COTL1: variants seen among roughly 807,000 people sequenced by gnomAD.
The protein encoded by COTL1 is coactosin like F-actin binding protein 1, also known as coactosin-like protein.
Under a neutral mutation model 16.5 loss-of-function variants are expected in COTL1, and 15 were observed. The ratio of observed to expected loss-of-function variants is 0.91; its 90% confidence interval spans 0.61 to 1.40. The LOEUF (loss-of-function observed/expected upper bound fraction) is 1.40, where lower values mean the gene tolerates loss of function less well. COTL1 is among the 40% of genes most tolerant of loss of function. The pLI is 0.00. For missense variants in COTL1, 220 were observed against 201.5 expected (o/e 1.09, Z -0.56); for synonymous variants, 112 against 85.3 (o/e 1.31, Z -1.73).
chr16:84,566,419 G>C lies in COTL1; in HGVS notation c.*426C>G, dbSNP rs77609704. The C allele has an allele frequency of 8.0e-3, 1,257 of 157,414 alleles. 22 individuals are homozygous for C. The highest frequency in any genetic ancestry group is 0.029 in the African/African-American group (1,191 of 41,624). 9.8% of individuals were successfully genotyped at this position (157,414 alleles called of 1,614,324 possible). ...AGTGGTACACAGGAAGCAGGGTCCAGGAAAACTGAGATGGCAAAATAGGCC... is the reference window on the plus strand; with the variant it reads ...AGTGGTACACAGGAAGCAGGGTCCACGAAAACTGAGATGGCAAAATAGGCC... On this transcript the variant is annotated 3_prime_UTR_variant, in exon 4 of 4. Coordinates refer to ENST00000262428, the MANE Select transcript of COTL1 (RefSeq NM_021149.5).
intron 3 of COTL1, among the ~76,000 whole-genome samples, chr16:84,589,082 C>T (rs1274279838): frequency 6.6e-6 from 1 of 152,040 alleles, no homozygotes; most frequent in East Asian, 1.9e-4. Flanking sequence ...GCGAACCTCC[C>T]GCCTCAGCCT....
chr16:84,609,110 A>G (rs1049249480), intron 2 of COTL1, among the ~76,000 whole-genome samples: 4 of 152,132 alleles, frequency 2.6e-5, no homozygotes, highest in African/African-American at 9.7e-5. Context: ...CTTCTCGCCC[A>G]AATTTCTGAA....
chr16:84,601,690 G>A (rs753991557), intron 2 of COTL1, among the ~76,000 whole-genome samples: 3 of 152,136 alleles, frequency 2.0e-5, no homozygotes, highest in South Asian at 4.1e-4. Flanking sequence ...TCTTGACCTC[G>A]TGATCCCCCC....
intron 2 of COTL1, among the ~76,000 whole-genome samples, chr16:84,597,272 G>C (rs184164523): frequency 2.8e-4 from 42 of 152,310 alleles, no homozygotes; most frequent in African/African-American, 9.6e-4. Flanking sequence ...TGAGGGGCCA[G>C]TCCCCACTCT....
intron 2 of COTL1, among the ~76,000 whole-genome samples, chr16:84,614,512 G>A (rs916488657): frequency 6.6e-6 from 1 of 152,024 alleles, no homozygotes; most frequent in African/African-American, 2.4e-5. Flanking sequence ...GGGGAGAAGG[G>A]ACAGTAGCCT....
intron 1 of COTL1, 119 bp downstream of exon 1, chr16:84,617,719 A>G: frequency 1.5e-6 from 2 of 1,372,392 alleles, no homozygotes; most frequent in Non-Finnish European, 2.0e-6. Flanking sequence ...CCGTCCCGGA[A>G]TAAGGCGAGG....
At chr16:84,581,249 G>A (rs1432174698) in intron 3 of COTL1, among the ~76,000 whole-genome samples, 1 of 152,138 alleles carries the variant, frequency 6.6e-6, no homozygotes, top group East Asian at 1.9e-4. Context: ...AATGCATCAG[G>A]CCAAAAAGGC....
chr16:84,585,330 G>A (rs28503369), intron 3 of COTL1, among the ~76,000 whole-genome samples: 2,550 of 149,516 alleles, frequency 0.017, 80 homozygotes, highest in African/African-American at 0.061. Context: ...ACTCCAGACT[G>A]GGTGACAGAG....
intron 3 of COTL1, among the ~76,000 whole-genome samples, chr16:84,580,357 T>G (rs767692975): frequency 1.3e-5 from 2 of 152,150 alleles, no homozygotes; most frequent in African/African-American, 2.4e-5. Context: ...CTTGACCTCC[T>G]GGGCTCAGCC....
chr16:84,574,884 T>G (rs2914823), intron 3 of COTL1, among the ~76,000 whole-genome samples: 1 of 151,776 alleles, frequency 6.6e-6, no homozygotes, highest in Non-Finnish European at 1.5e-5. Context: ...TAAACATCCA[T>G]TGAAACCTGT....
chr16:84,599,970 C>G (rs1168560086), intron 2 of COTL1, among the ~76,000 whole-genome samples: 1 of 152,158 alleles, frequency 6.6e-6, no homozygotes, highest in Non-Finnish European at 1.5e-5. Flanking sequence ...GGAGAAATGT[C>G]TTCTTGCCAC....
intron 3 of COTL1, among the ~76,000 whole-genome samples, chr16:84,586,887 G>A (rs896350574): frequency 6.6e-6 from 1 of 152,122 alleles, no homozygotes; most frequent in African/African-American, 2.4e-5. Flanking sequence ...ACCACGCCTG[G>A]CCTGTATTTT....
chr16:84,618,048 GCA>G lies in COTL1; in HGVS notation c.-136_-135del. 3.1e-6 allele frequency: 1 copy of G among 325,502 alleles called. No individual in the cohort carries two copies. Among genetic ancestry groups the G allele is most frequent in the Non-Finnish European group, 4.5e-6 (1 of 221,122 alleles). 20.2% of individuals were successfully genotyped at this position (325,502 alleles called of 1,614,324 possible). On this transcript the variant is annotated 5_prime_UTR_variant, in exon 1 of 4. Coordinates refer to ENST00000262428, the MANE Select transcript of COTL1 (RefSeq NM_021149.5). ...CGGTGGCGACGGCTACGCGGCGCCT[GCA>G]AGCTGCGAGCGCGGCGGCGGCTTCC... is the stretch of plus-strand genomic sequence containing the variant.
intron 3 of COTL1, among the ~76,000 whole-genome samples, chr16:84,584,440 G>C (rs528570972): frequency 6.6e-6 from 1 of 152,198 alleles, no homozygotes; most frequent in Non-Finnish European, 1.5e-5. Flanking sequence ...GTGAGTTTAG[G>C]GCAGGTCCTA....
intron 3 of COTL1, among the ~76,000 whole-genome samples, 200 bp downstream of exon 3, chr16:84,589,905 A>T (rs1374863180): frequency 1.3e-5 from 2 of 152,156 alleles, no homozygotes; most frequent in Non-Finnish European, 2.9e-5. Flanking sequence ...TCGTAAACAC[A>T]GTTAACTCCT....
intron 3 of COTL1, among the ~76,000 whole-genome samples, chr16:84,572,885 CG>C (rs1288052074): frequency 6.6e-6 from 1 of 151,108 alleles, no homozygotes; most frequent in African/African-American, 2.4e-5. Flanking sequence ...CCGAAGTAGC[CG>C]GGACTACAGG....
At chr16:84,582,842 G>A (rs1904630177) in intron 3 of COTL1, among the ~76,000 whole-genome samples, 2 of 152,084 alleles carry the variant, frequency 1.3e-5, no homozygotes, top group African/African-American at 4.8e-5. Flanking sequence ...CTACACCTGT[G>A]AGCTGATGGC....
chr16:84,566,841 G>A lies in COTL1; in HGVS notation c.*4C>T, dbSNP rs2150677950. ...GGCAAGGGGTGGTGTGGCGGGGGCT[G>A]GGGTTACTCCGTCTGGGCGTCGTAA... On this transcript the variant is annotated 3_prime_UTR_variant, in exon 4 of 4. Coordinates refer to ENST00000262428, the MANE Select transcript of COTL1 (RefSeq NM_021149.5). The A allele has an allele frequency of 1.2e-6, 2 of 1,600,764 alleles. No homozygotes were observed. Among genetic ancestry groups the A allele is most frequent in the African/African-American group, 2.7e-5 (2 of 74,770 alleles).
At chr16:84,579,219 G>A (rs929597482) in intron 3 of COTL1, among the ~76,000 whole-genome samples, 3 of 152,198 alleles carry the variant, frequency 2.0e-5, no homozygotes, top group East Asian at 3.8e-4. Flanking sequence ...GAAACAGGCC[G>A]GGCATGGTGG....
Sources: allele counts gnomAD v4.1 joint callset (sites outside exome capture counted in the v4.1 genomes callset), GRCh38; gene constraint gnomAD v4.1.1; transcripts MANE v1.5; gene names NCBI Gene and HGNC (gene_info 2026-07-23, HGNC 2026-07-21).